GNPTAB: variants seen among roughly 807,000 people sequenced by gnomAD.
GNPTAB encodes the protein N-acetylglucosamine-1-phosphotransferase subunits alpha/beta.
Under a neutral mutation model 136.6 loss-of-function variants are expected in GNPTAB, and 92 were observed. The ratio of observed to expected loss-of-function variants is 0.67; its 90% CI spans 0.57 to 0.80. The LOEUF (loss-of-function observed/expected upper bound fraction) is 0.80, where lower values mean the gene tolerates loss of function less well. Ranked by LOEUF, GNPTAB falls within the 30% of genes least tolerant of loss-of-function variation. The probability of loss-of-function intolerance (pLI) is 0.00; values close to 1 mark genes in which losing one functional copy is unlikely to be tolerated. For synonymous variants in GNPTAB, 512 were observed against 535.1 expected, an observed-to-expected ratio of 0.96 and a Z score of 0.60; for missense variants, 1,343 against 1,501.8, an observed-to-expected ratio of 0.89 and a Z score of 1.75.
rs1459649627 is a variant in GNPTAB, at chr12:101,822,662, G to A, written c.117+7897C>T. Reference sequence around the variant, plus strand: ...CAGGCTTTCTCCCTGCAGCAGGCCTGTACTGGGAGAAGGAACTTAGGCTTT... The same window carrying A: ...CAGGCTTTCTCCCTGCAGCAGGCCTATACTGGGAGAAGGAACTTAGGCTTT... On this transcript the variant is annotated intron_variant, in intron 1 of 20. Coordinates refer to ENST00000299314, the MANE Select transcript of GNPTAB (RefSeq NM_024312.5). Among the ~76,000 whole-genome samples the A allele has an allele frequency of 7.2e-5, 11 of 152,212 alleles. No homozygotes were observed. In the South Asian group the frequency reaches 1.0e-3, roughly 14 times the overall value.
intron 7 of GNPTAB, among the ~76,000 whole-genome samples, chr12:101,777,279 A>G (rs571847500): frequency 1.3e-5 from 2 of 152,254 alleles, no homozygotes; most frequent in Non-Finnish European, 2.9e-5. Context: ...TGGTTTTCCT[A>G]CCACACCTTT....
At chr12:101,775,454 G>A (rs1441786308) in intron 7 of GNPTAB, among the ~76,000 whole-genome samples, 1 of 151,542 alleles carries the variant, frequency 6.6e-6, no homozygotes, top group Non-Finnish European at 1.5e-5. Flanking sequence ...CTGCCTGCTG[G>A]GTTCAAGTGA....
intron 19 of GNPTAB, among the ~76,000 whole-genome samples, chr12:101,752,514 GGTT>G (rs1194119971): frequency 6.6e-6 from 1 of 152,210 alleles, no homozygotes; most frequent in East Asian, 1.9e-4. Flanking sequence ...CAGATAGTCT[GGTT>G]GTTGAAGTAC....
At chr12:101,777,401 C>A (rs1185561921) in intron 7 of GNPTAB, among the ~76,000 whole-genome samples, 8 of 152,186 alleles carry the variant, frequency 5.3e-5, no homozygotes, top group Admixed American at 5.2e-4. Context: ...CCTGTCTTTA[C>A]AATCTCATCC....
intron 1 of GNPTAB, among the ~76,000 whole-genome samples, chr12:101,806,316 C>T (rs1869931106): frequency 1.3e-5 from 2 of 152,192 alleles, no homozygotes; most frequent in African/African-American, 4.8e-5. Flanking sequence ...GAAACAAAAA[C>T]ACAAATATTG....
chr12:101,760,211 A>G lies in GNPTAB; in HGVS notation c.3136-68T>C. Reference sequence around the variant, plus strand: ...GTAATGACTGTGGTTTTAAAAATAAAAATTAAGTGAAAGCTTCCAAAAATG... The same window carrying G: ...GTAATGACTGTGGTTTTAAAAATAAGAATTAAGTGAAAGCTTCCAAAAATG... On this transcript the variant is annotated intron_variant, in intron 15 of 20. Coordinates refer to ENST00000299314, the MANE Select transcript of GNPTAB (RefSeq NM_024312.5). 3 of 973,784 alleles carry G rather than the reference A, an allele frequency of 3.1e-6. No individual in the cohort carries two copies. In the Admixed American group the frequency reaches 5.1e-5, roughly 17 times the overall value. The allele number at this position is 973,784 out of a possible 1,614,324, so 60.3% of individuals were successfully genotyped here.
chr12:101,772,554 C>A (rs1953192078), intron 7 of GNPTAB, among the ~76,000 whole-genome samples: 1 of 152,204 alleles, frequency 6.6e-6, no homozygotes, highest in African/African-American at 2.4e-5. Flanking sequence ...TCCTGACTCA[C>A]CACTTTCACC....
intron 16 of GNPTAB, among the ~76,000 whole-genome samples, chr12:101,757,919 C>T (rs909396323): frequency 1.3e-5 from 2 of 152,100 alleles, no homozygotes; most frequent in Non-Finnish European, 2.9e-5. Context: ...TGGCAAAAAC[C>T]CCAAATAAAC....
rs1953230830 is a variant in GNPTAB at position 101,774,459 on chromosome 12, A to C, written c.772-3302T>G. Among the ~76,000 whole-genome samples, 5 of 152,324 alleles carry C rather than the reference A, an allele frequency of 3.3e-5. No homozygotes were observed. The South Asian group carries it at 1.0e-3, about 32-fold the overall frequency. On this transcript the variant is annotated intron_variant, in intron 7 of 20. Coordinates refer to ENST00000299314, the MANE Select transcript of GNPTAB (RefSeq NM_024312.5). ...GATACTTCACAAACTTCTAGATATAATATGAACATATGTAAGTATATATTG... is the reference window on the plus strand; with the variant it reads ...GATACTTCACAAACTTCTAGATATACTATGAACATATGTAAGTATATATTG...
At chr12:101,805,077 G>A (rs1566094553) in intron 1 of GNPTAB, among the ~76,000 whole-genome samples, 1 of 150,898 alleles carries the variant, frequency 6.6e-6, no homozygotes, top group Non-Finnish European at 1.5e-5. Context: ...TATATCATGT[G>A]AAAAAAAAAT....
At position 101,764,741 on chromosome 12, in the gene GNPTAB, T is replaced by G; in HGVS notation, c.2176A>C (p.Lys726Gln). 6.2e-7 allele frequency: 1 copy of G among 1,613,920 alleles called. No individual in the cohort carries two copies. ...GCTGACTTGGACAAATTGTATCCTT[T>G]CAAAGTGATGTCTCCATGTTCCAGT... Reference protein sequence around the residue: ...LQLEHGDITLKGYNLSKSALL... With the variant: ...LQLEHGDITLQGYNLSKSALL... The change falls in exon 13 of 21, where the codon AAA becomes CAA. Residue 726 changes from lysine (K) to glutamine (Q), a missense_variant. Transcript: ENST00000299314.
intron 1 of GNPTAB, chr12:101,810,396 C>CATATATATATATAT (rs55753015): frequency 6.7e-5 from 9 of 134,192 alleles, no homozygotes; most frequent in African/African-American, 1.9e-4. Context: ...ACTCCAATTT[C>CATATATATATATAT]ATATATATAT....
rs139021858 is a variant in GNPTAB at position 101,786,050 on chromosome 12, G to A, written c.533C>T (p.Thr178Ile). 6.2e-7 allele frequency: 1 copy of A among 1,613,954 alleles called. No homozygotes were observed. Among genetic ancestry groups the A allele is most frequent in the Admixed American group, 1.7e-5 (1 of 60,016 alleles). ...FNVAKPKNPS[T>I]NVSVVVFDST... ...GTCAAAAACAACAACTGAGACATTG[G>A]TAGAAGGGTTTTTTGGTTTTGCAAC... The change falls in exon 5 of 21, where the codon ACC becomes ATC. Residue 178 changes from threonine to isoleucine, a missense_variant. Coordinates refer to ENST00000299314, the MANE Select transcript of GNPTAB (RefSeq NM_024312.5).
At chr12:101,797,152 G>A (rs1253097043) in intron 1 of GNPTAB, among the ~76,000 whole-genome samples, 1 of 152,116 alleles carries the variant, frequency 6.6e-6, no homozygotes, top group East Asian at 1.9e-4. Flanking sequence ...CTGTGTGGCT[G>A]GCTTTGTCCA....
chr12:101,824,610 G>A (rs2137190617), intron 1 of GNPTAB, among the ~76,000 whole-genome samples: 1 of 151,244 alleles, frequency 6.6e-6, no homozygotes, highest in African/African-American at 2.4e-5. Flanking sequence ...GGGACTACAG[G>A]CATGCACCAC....
intron 1 of GNPTAB, among the ~76,000 whole-genome samples, chr12:101,828,043 G>C (rs1871189079): frequency 6.6e-6 from 1 of 152,194 alleles, no homozygotes; most frequent in African/African-American, 2.4e-5. Flanking sequence ...ATTACAATTA[G>C]TGAGATTATT....
At position 101,767,989 on chromosome 12, in the gene GNPTAB, G is replaced by A. The variant is rs1442930813; in HGVS notation, c.1408+48C>T. The A allele has an allele frequency of 4.6e-5, 73 of 1,591,842 alleles. No homozygotes were observed. The East Asian group carries it at 1.6e-3, about 35-fold the overall frequency. On this transcript the variant is annotated intron_variant, in intron 11 of 20. Coordinates refer to ENST00000299314, the MANE Select transcript of GNPTAB (RefSeq NM_024312.5). ...GCACATGTTCAATAATGATTAAGAA[G>A]AAAATATTCCATAAAAATGAACGAA...
At chr12:101,816,016 C>T (rs549399956) in intron 1 of GNPTAB, among the ~76,000 whole-genome samples, 1 of 152,204 alleles carries the variant, frequency 6.6e-6, no homozygotes, top group South Asian at 2.1e-4. Flanking sequence ...GAAACTGGAC[C>T]CCTACCTCTC....
intron 15 of GNPTAB, 77 bp from the exon 16 acceptor site, chr12:101,760,220 G>T: frequency 1.1e-6 from 1 of 919,428 alleles, no homozygotes; most frequent in Non-Finnish European, 1.8e-6. Flanking sequence ...AAAATTAAGT[G>T]AAAGCTTCCA....
Sources: allele counts gnomAD v4.1 joint callset (sites outside exome capture counted in the v4.1 genomes callset), GRCh38; gene constraint gnomAD v4.1.1; transcripts MANE v1.5; gene names NCBI Gene and HGNC (gene_info 2026-07-23, HGNC 2026-07-21).